TDO2: variants seen among roughly 807,000 people sequenced by gnomAD.
TDO2 encodes the protein tryptophan 2,3-dioxygenase.
TDO2 carries 63 observed loss-of-function variants against 61.2 expected under a neutral mutation model. That is an observed-to-expected ratio of 1.03 (90% CI 0.84 to 1.27). The LOEUF (loss-of-function observed/expected upper bound fraction) is 1.27, where lower values mean the gene tolerates loss of function less well. Among genes scored for constraint, TDO2 ranks in the 50% most tolerant of loss-of-function variants. The probability of loss-of-function intolerance (pLI) is 0.00; values close to 1 mark genes in which losing one functional copy is unlikely to be tolerated. For missense variants in TDO2, 494 were observed against 469.5 expected, an observed-to-expected ratio of 1.05 and a Z score of -0.48; for synonymous variants, 183 against 164.0, an observed-to-expected ratio of 1.12 and a Z score of -0.89.
intron 10 of TDO2, among the ~76,000 whole-genome samples, chr4:155,917,747 G>A (rs192533088): frequency 2.1e-3 from 327 of 152,228 alleles, no homozygotes; most frequent in South Asian, 0.01. Flanking sequence ...TAAACTTTAG[G>A]TCATAAAAGT....
chr4:155,916,148 A>C (rs890758188), intron 9 of TDO2, among the ~76,000 whole-genome samples: 3 of 148,324 alleles, frequency 2.0e-5, no homozygotes, highest in African/African-American at 7.4e-5. Context: ...AACACTACAC[A>C]AATTAATCAA....
chr4:155,907,353 T>G (rs1398221195), intron 3 of TDO2: 1 of 174,068 alleles, frequency 5.7e-6, no homozygotes, highest in Non-Finnish European at 1.2e-5. Context: ...TTTCTCAGTG[T>G]GTAGATGAAG....
chr4:155,911,849 A>G (rs1742841734), intron 7 of TDO2, among the ~76,000 whole-genome samples: 1 of 152,106 alleles, frequency 6.6e-6, no homozygotes, highest in Non-Finnish European at 1.5e-5. Flanking sequence ...GATTAATATT[A>G]TTTTTCATTT....
chr4:155,916,164 C>CTTTTT (rs34847339), intron 9 of TDO2, among the ~76,000 whole-genome samples: 4 of 76,190 alleles, frequency 5.3e-5, no homozygotes, highest in Middle Eastern at 7.7e-3. Flanking sequence ...ATCAAATATC[C>CTTTTT]TTTTTTTTTT....
At chr4:155,908,843 G>C (rs1410548321) in intron 4 of TDO2, 44 bp from the exon 5 acceptor site, 1 of 1,553,064 alleles carries the variant, frequency 6.4e-7, no homozygotes, top group East Asian at 2.3e-5. Flanking sequence ...GTATTTTCTA[G>C]AGGTCAGCAT....
Position 155,905,061 on chromosome 4 carries a change from T to G in TDO2, c.142-6T>G, listed in dbSNP as rs1303895216. On this transcript the variant is annotated splice_polypyrimidine_tract_variant and splice_region_variant and intron_variant, in intron 2 of 11. Coordinates refer to ENST00000536354, the MANE Select transcript of TDO2 (RefSeq NM_005651.4). ...TTCAGACAGGCTTTTTATTTTTCAT[T>G]TCAAGTTGGAAAAAGTTTTGAATGC... 6.3e-7 allele frequency: 1 copy of G among 1,575,714 alleles called. No individual in the cohort carries two copies. The highest frequency in any genetic ancestry group is 2.3e-5 in the East Asian group (1 of 43,662).
intron 8 of TDO2, among the ~76,000 whole-genome samples, chr4:155,914,701 C>T (rs1388243455): frequency 6.6e-6 from 1 of 152,014 alleles, no homozygotes. Context: ...TATAGTTTCT[C>T]AAGTAGTTCA....
intron 7 of TDO2, among the ~76,000 whole-genome samples, chr4:155,913,469 G>A (rs1226000457): frequency 6.6e-6 from 1 of 152,046 alleles, no homozygotes; most frequent in Non-Finnish European, 1.5e-5. Flanking sequence ...TCTTTAGAAA[G>A]GTCTTTCCTA....
At chr4:155,907,835 G>A (rs1245708788) in intron 4 of TDO2, 43 bp downstream of exon 4, 7 of 1,464,320 alleles carry the variant, frequency 4.8e-6, no homozygotes, top group Non-Finnish European at 6.7e-6. Context: ...TATATTTTTG[G>A]AAGATATGGA....
rs761572047 is a variant in TDO2, at chr4:155,908,894, A to G, written c.311A>G (p.Asp104Gly). Residue 104 changes from aspartate to glycine, a missense_variant, in exon 5 of 12, where the codon GAT (aspartate) becomes GGT (glycine). Physicochemically the swap from Asp to Gly is moderately conservative, Grantham distance 94. Coordinates refer to ENST00000536354, the MANE Select transcript of TDO2 (RefSeq NM_005651.4). The part of the protein sequence containing the change: ...REIFQNGHVR[D>G]ERNMLKVVSR... ...TCATTTCTTAACCTTCAGGTCAGAG[A>G]TGAAAGGAACATGCTTAAGGTTGTT... 1.9e-6 allele frequency: 3 copies of G among 1,610,154 alleles called. No homozygotes were observed. The highest frequency in any genetic ancestry group is 2.5e-6 in the Non-Finnish European group (3 of 1,178,326).
chr4:155,910,198 T>C lies in TDO2; in HGVS notation c.605T>C (p.Leu202Pro). 1.3e-6 allele frequency: 2 copies of C among 1,576,526 alleles called. No individual in the cohort carries two copies. The highest frequency in any genetic ancestry group is 1.7e-6 in the Non-Finnish European group (2 of 1,166,252). ...AAATCTGAGCAGGAAAAGACACTTC[T>C]GGAATTAGTGGAGGTATGGATTCAT... is the stretch of plus-strand genomic sequence containing the variant. ...LLKSEQEKTL[L>P]ELVEAWLERT... Residue 202 changes from leucine to proline, a missense_variant, in exon 6 of 12, where the codon CTG becomes CCG. Coordinates refer to ENST00000536354, the MANE Select transcript of TDO2 (RefSeq NM_005651.4).
intron 3 of TDO2, chr4:155,907,432 C>T: frequency 3.4e-6 from 1 of 296,128 alleles, no homozygotes; most frequent in Non-Finnish European, 6.2e-6. Flanking sequence ...AGGTTATGTG[C>T]TATATCCTCA....
chr4:155,904,123 T>G lies in TDO2; in HGVS notation c.141T>G (p.His47Gln). Residue 47 changes from histidine to glutamine, a missense_variant and splice_region_variant, in exon 2 of 12, where the codon CAT becomes CAG. Physicochemically the swap from His to Gln is conservative, Grantham distance 24. Transcript: ENST00000536354. The part of the protein sequence containing the change: ...KGGLIYGNYL[H>Q]LEKVLNAQEL... ...GTCTTATCTATGGGAACTACCTGCA[T>G]GTAAGTGGCAGGGTCCTTACAGGGT... 6.2e-7 allele frequency: 1 copy of G among 1,610,458 alleles called. No individual in the cohort carries two copies. Among genetic ancestry groups the G allele is most frequent in the East Asian group, 2.2e-5 (1 of 44,834 alleles).
chr4:155,911,222 C>G (rs558669263), intron 6 of TDO2, among the ~76,000 whole-genome samples: 1 of 151,624 alleles, frequency 6.6e-6, no homozygotes, highest in South Asian at 2.1e-4. Flanking sequence ...TTGTAGATTT[C>G]TAGAAGACAA....
chr4:155,914,046 A>G (rs923253083), intron 7 of TDO2, among the ~76,000 whole-genome samples: 1 of 152,002 alleles, frequency 6.6e-6, no homozygotes, highest in East Asian at 1.9e-4. Context: ...GTTATCTCCA[A>G]TTTTGTCCAT....
At position 155,904,027 on chromosome 4, in the gene TDO2, TA is replaced by T. The variant is rs772240347; in HGVS notation, c.51del (p.Lys17AsnfsTer4). 1.2e-5 allele frequency: 20 copies of T among 1,613,746 alleles called. No homozygotes were observed. Among genetic ancestry groups the T allele is most frequent in the Non-Finnish European group, 1.5e-5 (18 of 1,179,920 alleles). On this transcript the variant is annotated frameshift_variant, in exon 2 of 12. Transcript: ENST00000536354. LOFTEE classifies it high-confidence loss of function. ...TTTATTAAATTTGCAGATATACTTT[TA>T]AAAAACTCCCCGTAGAAGGCAGCGA... ...FLGNNFGYTF[K>X]KLPVEGSEED...
At chr4:155,911,362 C>G in intron 6 of TDO2, 135 bp from the exon 7 acceptor site, 1 of 464,750 alleles carries the variant, frequency 2.2e-6, no homozygotes, top group Non-Finnish European at 3.7e-6. Flanking sequence ...AAATAAAAAA[C>G]ATTTACAAAT....
intron 11 of TDO2, among the ~76,000 whole-genome samples, chr4:155,919,151 C>T (rs1050253478): frequency 1.3e-5 from 2 of 152,068 alleles, no homozygotes; most frequent in African/African-American, 2.4e-5. Context: ...TTAAAAAGAC[C>T]TGACCAAAAG....
chr4:155,907,988 G>T (rs767831756), intron 4 of TDO2, among the ~76,000 whole-genome samples, 196 bp downstream of exon 4: 1 of 152,112 alleles, frequency 6.6e-6, no homozygotes, highest in Non-Finnish European at 1.5e-5. Flanking sequence ...TGACTTTAAG[G>T]TTCCTTTCAA....
Sources: gnomAD v4.1 joint callset for allele counts (sites outside exome capture counted in the v4.1 genomes callset) on GRCh38, gnomAD v4.1.1 for gene constraint, MANE v1.5 for transcripts, NCBI Gene and HGNC (gene_info 2026-07-23, HGNC 2026-07-21) for gene names.